PCDHA6: variants seen among roughly 807,000 people sequenced by gnomAD.
The protein encoded by PCDHA6 is protocadherin alpha-6.
In PCDHA6, 55 loss-of-function variants were observed where a neutral mutation model predicts 60.3. The observed-to-expected ratio is 0.91, with a 90% confidence interval of 0.73 to 1.14. The LOEUF (loss-of-function observed/expected upper bound fraction) is 1.14, where lower values mean the gene tolerates loss of function less well. Among genes scored for constraint, PCDHA6 ranks in the 50% most tolerant of loss-of-function variants. PCDHA6 has a pLI of 0.00. For synonymous variants in PCDHA6, 652 were observed against 557.9 expected, an observed-to-expected ratio of 1.17 and a Z score of -2.38; for missense variants, 1,327 against 1,256.5, an observed-to-expected ratio of 1.06 and a Z score of -0.85.
intron 1 of PCDHA6, chr5:140,966,778 G>A: frequency 6.6e-7 from 1 of 1,512,496 alleles, no homozygotes; most frequent in Non-Finnish European, 8.8e-7. Flanking sequence ...TGGAGCAGGC[G>A]GGCACCAGAC....
At chr5:140,857,050 G>T in intron 1 of PCDHA6, 1 of 1,595,508 alleles carries the variant, frequency 6.3e-7, no homozygotes, top group Non-Finnish European at 8.6e-7. Flanking sequence ...GTCACTGCAC[G>T]GTCCTAGTGG....
intron 3 of PCDHA6, among the ~76,000 whole-genome samples, chr5:140,983,034 C>G (rs923296416): frequency 2.6e-5 from 4 of 151,944 alleles, no homozygotes; most frequent in Non-Finnish European, 5.9e-5. Context: ...GATGGTTTCT[C>G]ATGGAAGTGG....
intron 1 of PCDHA6, chr5:140,865,597 G>A (rs1391602074): frequency 6.6e-6 from 1 of 152,154 alleles, no homozygotes; most frequent in Non-Finnish European, 1.5e-5. Context: ...CATTGTTTGA[G>A]CAGTTTATTA....
intron 3 of PCDHA6, among the ~76,000 whole-genome samples, chr5:140,991,295 A>G (rs1215731555): frequency 6.6e-6 from 1 of 152,202 alleles, no homozygotes; most frequent in African/African-American, 2.4e-5. Context: ...TTAACACATT[A>G]CTATTATCTT....
intron 1 of PCDHA6, chr5:140,856,255 A>G: frequency 2.5e-6 from 4 of 1,597,974 alleles, no homozygotes; most frequent in Non-Finnish European, 3.4e-6. Flanking sequence ...CGTCCAAAAG[A>G]CACGGGGACC....
chr5:140,843,370 G>A lies in PCDHA6; in HGVS notation c.2394+12885G>A, dbSNP rs782264664. On this transcript the variant is annotated intron_variant, in intron 1 of 3. Coordinates refer to ENST00000529310, the MANE Select transcript of PCDHA6 (RefSeq NM_018909.4). Reference sequence around the variant, plus strand: ...CTCCAAAAGCGTCATCGAGGCAGTCGGCTGGCGTTTTGGGTCCGGAAGCGG... The same window carrying A: ...CTCCAAAAGCGTCATCGAGGCAGTCAGCTGGCGTTTTGGGTCCGGAAGCGG... The A allele has an allele frequency of 1.2e-5, 19 of 1,596,088 alleles. 2 individuals carry two copies. Among genetic ancestry groups the A allele is most frequent in the Non-Finnish European group, 1.6e-5 (19 of 1,165,604 alleles).
At position 140,841,167 on chromosome 5, in the gene PCDHA6, G is replaced by A. The variant is rs1003651834; in HGVS notation, c.2394+10682G>A. On this transcript the variant is annotated intron_variant, in intron 1 of 3. Coordinates refer to ENST00000529310, the MANE Select transcript of PCDHA6 (RefSeq NM_018909.4). ...ATGTCGCTGTCTACCAAGAAGTTCTGGTTGGTCAATGTTCAAAGTCTTTTC... is the reference window on the plus strand; with the variant it reads ...ATGTCGCTGTCTACCAAGAAGTTCTAGTTGGTCAATGTTCAAAGTCTTTTC... 13 of 954,538 alleles carry A rather than the reference G, an allele frequency of 1.4e-5. 1 individual carries two copies. In the South Asian group the frequency reaches 1.6e-4, roughly 12 times the overall value. 59.1% of individuals were successfully genotyped at this position (954,538 alleles called of 1,614,324 possible). A position where few individuals can be genotyped will look rare whatever the true frequency, so the allele number is the denominator to read the frequency against.
At chr5:140,919,674 G>C (rs1554199207) in intron 1 of PCDHA6, among the ~76,000 whole-genome samples, 1 of 151,886 alleles carries the variant, frequency 6.6e-6, no homozygotes, top group Non-Finnish European at 1.5e-5. Context: ...TTAGCTTATT[G>C]GTATCTGCTT....
At chr5:140,940,795 A>G (rs2153647229) in intron 1 of PCDHA6, among the ~76,000 whole-genome samples, 1 of 152,276 alleles carries the variant, frequency 6.6e-6, no homozygotes, top group Non-Finnish European at 1.5e-5. Flanking sequence ...TGAAAATGAT[A>G]TTTGCCAGGA....
intron 1 of PCDHA6, among the ~76,000 whole-genome samples, chr5:140,925,122 GA>G (rs1298426256): frequency 2.7e-5 from 4 of 150,724 alleles, no homozygotes; most frequent in Non-Finnish European, 4.4e-5. Flanking sequence ...AGGAAGGAAG[GA>G]AAAAAAATTT....
At chr5:140,927,201 C>T (rs1330352185) in intron 1 of PCDHA6, 7 of 1,614,032 alleles carry the variant, frequency 4.3e-6, no homozygotes, top group Non-Finnish European at 5.1e-6. Flanking sequence ...TGCTCGAGGA[C>T]CCGCTGGAGC....
At chr5:140,949,290 G>C (rs552572317) in intron 1 of PCDHA6, among the ~76,000 whole-genome samples, 5 of 151,900 alleles carry the variant, frequency 3.3e-5, no homozygotes, top group South Asian at 2.1e-4. Flanking sequence ...TGTATATTCT[G>C]TAATTGTTGG....
At chr5:141,005,467 GC>G (rs1463928635) in intron 3 of PCDHA6, among the ~76,000 whole-genome samples, 1 of 151,982 alleles carries the variant, frequency 6.6e-6, no homozygotes, top group Non-Finnish European at 1.5e-5. Context: ...ACTTTGGGAG[GC>G]CGAGACGGGC....
rs548429892 is a variant in PCDHA6 at position 140,891,971 on chromosome 5, G to A, written c.2394+61486G>A. Among the ~76,000 whole-genome samples the A allele has an allele frequency of 9.9e-5, 15 of 152,232 alleles. No homozygotes were observed. In the South Asian group the frequency reaches 1.9e-3, roughly 19 times the overall value. On this transcript the variant is annotated intron_variant, in intron 1 of 3. Transcript: ENST00000529310. ...CCAGAATTGTGAGAAGTAAATTTCC[G>A]TTCTCATAAATTACTCAGTCTGTGG...
chr5:140,842,806 G>A (rs2150344901), intron 1 of PCDHA6: 10 of 1,594,218 alleles, frequency 6.3e-6, no homozygotes, highest in South Asian at 3.3e-5. Context: ...ACTCGCTTGT[G>A]GAGCGGCGGG....
chr5:141,002,173 C>T (rs1442739241), intron 3 of PCDHA6, among the ~76,000 whole-genome samples: 2 of 152,192 alleles, frequency 1.3e-5, no homozygotes, highest in Non-Finnish European at 2.9e-5. Flanking sequence ...TAGGCAGGCT[C>T]CAGAGTGCTG....
At chr5:140,890,822 A>G (rs1044008204) in intron 1 of PCDHA6, among the ~76,000 whole-genome samples, 1 of 152,186 alleles carries the variant, frequency 6.6e-6, no homozygotes, top group Non-Finnish European at 1.5e-5. Context: ...TTTTAAATGT[A>G]CTTACATATT....
chr5:140,981,042 C>A (rs782145088), intron 2 of PCDHA6, among the ~76,000 whole-genome samples: 22 of 151,970 alleles, frequency 1.4e-4, no homozygotes, highest in Non-Finnish European at 2.9e-4. Flanking sequence ...GGAAAAAAAA[C>A]AGATAATTCT....
intron 1 of PCDHA6, chr5:140,834,284 A>T: frequency 8.6e-7 from 1 of 1,167,116 alleles, no homozygotes; most frequent in Non-Finnish European, 1.2e-6. Flanking sequence ...TTGGATGCAC[A>T]ACAATGGCCA....
Sources: gnomAD v4.1 joint callset for allele counts (sites outside exome capture counted in the v4.1 genomes callset) on GRCh38, gnomAD v4.1.1 for gene constraint, MANE v1.5 for transcripts, NCBI Gene and HGNC (gene_info 2026-07-23, HGNC 2026-07-21) for gene names.